Variants in CSMD1 observed in about 807,000 individuals in gnomAD.
The protein encoded by CSMD1 is CUB and sushi domain-containing protein 1.
Under a neutral mutation model 417.5 loss-of-function variants are expected in CSMD1, and 213 were observed. The ratio of observed to expected loss-of-function variants is 0.51; its 90% CI spans 0.46 to 0.57. The LOEUF is 0.57. Ranked by LOEUF, CSMD1 falls within the 20% of genes least tolerant of loss-of-function variation. CSMD1 has a pLI of 0.00. For missense variants in CSMD1, 6,923 were observed against 4,529.7 expected (o/e 1.53, Z -15.17); for synonymous variants, 2,862 against 1,736.8 (o/e 1.65, Z -16.11).
intron 38 of CSMD1, among the ~76,000 whole-genome samples, chr8:3,160,944 C>T (rs1819851809): frequency 6.6e-6 from 1 of 152,192 alleles, no homozygotes; most frequent in Non-Finnish European, 1.5e-5. Context: ...AACTGAATTC[C>T]ACACAGTGCT....
At chr8:3,769,069 G>C (rs1010931801) in intron 5 of CSMD1, among the ~76,000 whole-genome samples, 3 of 152,204 alleles carry the variant, frequency 2.0e-5, no homozygotes, top group African/African-American at 7.2e-5. Context: ...AGTCAGTCAG[G>C]AAAAGTCAGA....
chr8:4,160,246 T>C (rs1232460556), intron 3 of CSMD1, among the ~76,000 whole-genome samples: 3 of 152,246 alleles, frequency 2.0e-5, no homozygotes, highest in South Asian at 2.1e-4. Context: ...TCTAACTTTA[T>C]CATAAAGTAA....
At chr8:3,588,365 G>T (rs189863389) in intron 8 of CSMD1, among the ~76,000 whole-genome samples, 4 of 152,138 alleles carry the variant, frequency 2.6e-5, no homozygotes, top group Non-Finnish European at 1.5e-5. Context: ...TAAATAAAAT[G>T]ACATGAGAGT....
rs34278055 is a variant in CSMD1, at chr8:4,140,974, GA to G, written c.416-108876del. Among the ~76,000 whole-genome samples the G allele has an allele frequency of 2.6e-3, 393 of 151,266 alleles. 21 individuals carry two copies. Among genetic ancestry groups the G allele is most frequent in the African/African-American group, 8.7e-3 (355 of 40,590 alleles). ...GTCCTCGTATCTCAATAAATGGGAA[GA>G]AAACATAAAAGATTTAGGCAGACAG... On this transcript the variant is annotated intron_variant, in intron 3 of 69. Coordinates refer to ENST00000635120, the MANE Select transcript of CSMD1 (RefSeq NM_033225.6).
chr8:3,404,370 T>C (rs1261635437), intron 15 of CSMD1, among the ~76,000 whole-genome samples: 1 of 150,566 alleles, frequency 6.6e-6, no homozygotes, highest in Non-Finnish European at 1.5e-5. Flanking sequence ...CGTTTCTACT[T>C]TGAGTAATGG....
At chr8:3,405,585 T>C (rs750839498) in intron 15 of CSMD1, among the ~76,000 whole-genome samples, 6 of 146,206 alleles carry the variant, frequency 4.1e-5, no homozygotes, top group Non-Finnish European at 9.0e-5. Flanking sequence ...TGCAGATGAA[T>C]TTAGTTAGGA....
intron 12 of CSMD1, among the ~76,000 whole-genome samples, chr8:3,456,824 G>C (rs1007099029): frequency 1.3e-5 from 2 of 152,080 alleles, no homozygotes; most frequent in African/African-American, 4.8e-5. Context: ...GGGGTATTCA[G>C]AACAAACTGG....
At chr8:3,705,916 A>G (rs1236962306) in intron 7 of CSMD1, among the ~76,000 whole-genome samples, 2 of 152,208 alleles carry the variant, frequency 1.3e-5, no homozygotes. Flanking sequence ...TGAAATCCTC[A>G]TGTCAGCAAT....
intron 7 of CSMD1, among the ~76,000 whole-genome samples, chr8:3,641,612 C>T (rs1797311724): frequency 6.6e-6 from 1 of 152,154 alleles, no homozygotes; most frequent in African/African-American, 2.4e-5. Context: ...AAGAGGTTAT[C>T]ACAAGATTTC....
intron 3 of CSMD1, among the ~76,000 whole-genome samples, chr8:4,212,220 C>G (rs1482365158): frequency 2.0e-5 from 3 of 150,258 alleles, no homozygotes; most frequent in Admixed American, 6.6e-5. Context: ...GTTGTTTTAA[C>G]TTATTATACC....
At chr8:4,903,556 G>A (rs889149748) in intron 1 of CSMD1, among the ~76,000 whole-genome samples, 1 of 152,188 alleles carries the variant, frequency 6.6e-6, no homozygotes, top group Non-Finnish European at 1.5e-5. Flanking sequence ...GCAGCATGTG[G>A]TCTCTCTGGT....
chr8:3,932,969 C>T (rs2688268), intron 5 of CSMD1, among the ~76,000 whole-genome samples: 58,422 of 148,342 alleles, frequency 0.39, 13,496 homozygotes, highest in East Asian at 0.5. Flanking sequence ...AAATTTTTTG[C>T]TTTCTAATAT....
intron 25 of CSMD1, 73 bp downstream of exon 25, chr8:3,307,622 C>A: frequency 6.8e-7 from 1 of 1,462,706 alleles, no homozygotes; most frequent in Non-Finnish European, 9.4e-7. Flanking sequence ...ATTTGGTGTA[C>A]CACTATCTCT....
At chr8:4,073,542 T>A (rs552746003) in intron 3 of CSMD1, among the ~76,000 whole-genome samples, 1 of 152,160 alleles carries the variant, frequency 6.6e-6, no homozygotes, top group Non-Finnish European at 1.5e-5. Flanking sequence ...CCAGATGGCA[T>A]AAAAATAACC....
At chr8:3,590,110 C>T (rs530275517) in intron 8 of CSMD1, among the ~76,000 whole-genome samples, 1 of 151,736 alleles carries the variant, frequency 6.6e-6, no homozygotes, top group Non-Finnish European at 1.5e-5. Flanking sequence ...ATAAAAATGA[C>T]ATGTAGTAAT....
chr8:3,952,540 T>C (rs543633902), intron 5 of CSMD1, among the ~76,000 whole-genome samples: 1 of 152,292 alleles, frequency 6.6e-6, no homozygotes, highest in South Asian at 2.1e-4. Context: ...TGGAAAATTT[T>C]TTAACAGTAT....
intron 6 of CSMD1, among the ~76,000 whole-genome samples, chr8:3,726,117 C>G (rs368139038): frequency 6.6e-6 from 1 of 152,052 alleles, no homozygotes; most frequent in Non-Finnish European, 1.5e-5. Context: ...TAGTAAGGGA[C>G]CTGAGGTCCC....
intron 36 of CSMD1, among the ~76,000 whole-genome samples, chr8:3,182,702 T>C (rs1821437366): frequency 7.7e-6 from 1 of 129,716 alleles, no homozygotes; most frequent in Non-Finnish European, 1.7e-5. Context: ...TGTATGTGTG[T>C]GTATTGTTAG....
At chr8:3,428,882 T>A (rs1563379388) in intron 12 of CSMD1, among the ~76,000 whole-genome samples, 1 of 152,220 alleles carries the variant, frequency 6.6e-6, no homozygotes, top group African/African-American at 2.4e-5. Flanking sequence ...TCCTGTCATT[T>A]GCAGCAACAC....
Sources: allele counts gnomAD v4.1 joint callset (sites outside exome capture counted in the v4.1 genomes callset), GRCh38; gene constraint gnomAD v4.1.1; transcripts MANE v1.5; gene names NCBI Gene and HGNC (gene_info 2026-07-23, HGNC 2026-07-21).